CAMK2B: variants seen among roughly 807,000 people sequenced by gnomAD.
CAMK2B encodes the protein calcium/calmodulin dependent protein kinase II beta.
CAMK2B carries 27 observed loss-of-function variants against 93.7 expected under a neutral mutation model. The ratio of observed to expected loss-of-function variants is 0.29; its 90% CI spans 0.21 to 0.40. The LOEUF (loss-of-function observed/expected upper bound fraction) is 0.40, where lower values mean the gene tolerates loss of function less well. Among genes scored for constraint, CAMK2B ranks in the 10% least tolerant of loss-of-function variants. The pLI is 1.00. For missense variants in CAMK2B, 568 were observed against 895.8 expected, an observed-to-expected ratio of 0.63 and a Z score of 4.67; for synonymous variants, 374 against 358.8, an observed-to-expected ratio of 1.04 and a Z score of -0.48.
rs760985438 is a variant in CAMK2B, at chr7:44,243,404, C to T, written c.517+21G>A. On this transcript the variant is annotated intron_variant, in intron 7 of 23. Transcript: ENST00000395749. ...CTGCCCTGCCAACTGCCAGCCAACA[C>T]ACCCTGCCCCTGGCACTCACCAAAC... 1.1e-5 allele frequency: 18 copies of T among 1,613,056 alleles called. No individual in the cohort carries two copies. The East Asian group carries it at 4.0e-4, about 36-fold the overall frequency.
chr7:44,223,490 G>C (rs2096437236), intron 20 of CAMK2B, among the ~76,000 whole-genome samples: 1 of 152,108 alleles, frequency 6.6e-6, no homozygotes, highest in Non-Finnish European at 1.5e-5. Flanking sequence ...CATTCCACCT[G>C]CCCAGCTCTA....
chr7:44,253,200 A>AG (rs199769274), intron 5 of CAMK2B, among the ~76,000 whole-genome samples: 17 of 149,914 alleles, frequency 1.1e-4, no homozygotes, highest in Non-Finnish European at 1.2e-4. Flanking sequence ...TTTTAAAAAG[A>AG]GTTTTTTTTT....
chr7:44,322,749 G>A (rs1349125069), intron 1 of CAMK2B, among the ~76,000 whole-genome samples: 1 of 152,356 alleles, frequency 6.6e-6, no homozygotes, highest in East Asian at 1.9e-4. Flanking sequence ...GAAGATTCGG[G>A]AGCAGAGACA....
chr7:44,240,294 C>T (rs1468447869), intron 12 of CAMK2B, among the ~76,000 whole-genome samples: 1 of 152,224 alleles, frequency 6.6e-6, no homozygotes, highest in Non-Finnish European at 1.5e-5. Context: ...TGGAAGGAGG[C>T]CCCCGAGCCT....
chr7:44,231,643 T>C (rs1334815808), intron 16 of CAMK2B, among the ~76,000 whole-genome samples: 1 of 152,226 alleles, frequency 6.6e-6, no homozygotes, highest in Non-Finnish European at 1.5e-5. Context: ...AACCTTGGCC[T>C]GGCCCCAGGC....
intron 2 of CAMK2B, among the ~76,000 whole-genome samples, chr7:44,279,549 C>A (rs1382143253): frequency 6.6e-6 from 1 of 152,218 alleles, no homozygotes; most frequent in Non-Finnish European, 1.5e-5. Context: ...GGCTGGCTAC[C>A]CCTTCCTCCC....
At chr7:44,278,997 C>T (rs1351308054) in intron 2 of CAMK2B, among the ~76,000 whole-genome samples, 1 of 152,240 alleles carries the variant, frequency 6.6e-6, no homozygotes, top group Non-Finnish European at 1.5e-5. Flanking sequence ...GCACCAAGGG[C>T]AGACAACCCA....
At chr7:44,325,302 G>A (rs1370319246) in intron 1 of CAMK2B, 55 bp downstream of exon 1, 2 of 1,045,590 alleles carry the variant, frequency 1.9e-6, no homozygotes, top group Non-Finnish European at 2.4e-6. Context: ...GAGGGTCCCG[G>A]AGGTCCCGGC....
Position 44,225,689 on chromosome 7 carries a change from C to G in CAMK2B, c.1597+827G>C. 7.9e-7 allele frequency: 1 copy of G among 1,270,052 alleles called. No homozygotes were observed. The highest frequency in any genetic ancestry group is 1.5e-5 in the African/African-American group (1 of 65,586). 78.7% of individuals were successfully genotyped at this position (1,270,052 alleles called of 1,614,324 possible). Reference sequence around the variant, plus strand: ...CCCCACACCCTTCTGCCCTGGCCGCCTGCAGCAGCCCCCAGGCCCAGCCTG... The same window carrying G: ...CCCCACACCCTTCTGCCCTGGCCGCGTGCAGCAGCCCCCAGGCCCAGCCTG... On this transcript the variant is annotated intron_variant, in intron 20 of 23. Coordinates refer to ENST00000395749, the MANE Select transcript of CAMK2B (RefSeq NM_001220.5). This position sits in a 1 kb window ranked among gnomAD's most constrained non-coding sequence, Gnocchi z 5.0.
chr7:44,273,992 G>C (rs1019785521), intron 2 of CAMK2B, among the ~76,000 whole-genome samples: 1 of 152,162 alleles, frequency 6.6e-6, no homozygotes, highest in Non-Finnish European at 1.5e-5. Context: ...ACAGAAGCAA[G>C]TGGCCAGCAG....
chr7:44,275,919 G>T (rs4605950), intron 2 of CAMK2B, among the ~76,000 whole-genome samples: 82,214 of 151,904 alleles, frequency 0.54, 22,357 homozygotes, highest in East Asian at 0.59. Context: ...AGGGGAGGGG[G>T]CGTTTCCCAG....
At chr7:44,252,027 C>T (rs1461956293) in intron 5 of CAMK2B, among the ~76,000 whole-genome samples, 9 of 152,154 alleles carry the variant, frequency 5.9e-5, no homozygotes, top group South Asian at 2.1e-4. Flanking sequence ...CCCCAGGGCC[C>T]GCCACGGGGA....
rs760353023 is a variant in CAMK2B at position 44,220,710 on chromosome 7, C to T, written c.1674G>A (p.Ala558=). The part of the protein sequence containing the change: ...AVNNGDFEAY[A]KICDPGLTSF... ...AGGTCAGCCCTGGGTCACAGATTTT[C>T]CTGGGGGCCAAATCCAAGTGAGGAG... The change falls in exon 22 of 24, where the codon GCG becomes GCA. Residue 558 remains alanine, a splice_region_variant and synonymous_variant. Transcript: ENST00000395749. 1 of 1,609,966 alleles carries T rather than the reference C, an allele frequency of 6.2e-7. No individual in the cohort carries two copies. Among genetic ancestry groups the T allele is most frequent in the Non-Finnish European group, 8.5e-7 (1 of 1,178,182 alleles).
intron 2 of CAMK2B, among the ~76,000 whole-genome samples, chr7:44,281,444 C>T (rs771042096): frequency 1.2e-4 from 18 of 152,168 alleles, no homozygotes; most frequent in Non-Finnish European, 2.1e-4. Flanking sequence ...ATCTGGCCAC[C>T]GCAGATGACC....
intron 5 of CAMK2B, among the ~76,000 whole-genome samples, chr7:44,249,985 TA>T (rs2096765182): frequency 6.6e-6 from 1 of 152,158 alleles, no homozygotes; most frequent in Non-Finnish European, 1.5e-5. Flanking sequence ...ATGGTGTCCT[TA>T]AGGGTATGAC....
chr7:44,220,785 T>A, intron 21 of CAMK2B, 41 bp downstream of exon 21: 1 of 1,554,848 alleles, frequency 6.4e-7, no homozygotes, highest in Non-Finnish European at 8.7e-7. Context: ...GGGTCCCACA[T>A]CCTTGTCCTG....
intron 14 of CAMK2B, 80 bp downstream of exon 14, chr7:44,234,559 A>G: frequency 6.3e-7 from 1 of 1,589,548 alleles, no homozygotes. Flanking sequence ...GGGGGACTCC[A>G]GAGCAGGAGC....
chr7:44,319,428 T>C (rs1438422032), intron 1 of CAMK2B, among the ~76,000 whole-genome samples: 1 of 152,230 alleles, frequency 6.6e-6, no homozygotes, highest in Non-Finnish European at 1.5e-5. Flanking sequence ...TTAGAATTTT[T>C]AAGTAGAAGA....
At chr7:44,314,563 T>A (rs1794387587) in intron 1 of CAMK2B, among the ~76,000 whole-genome samples, 1 of 152,258 alleles carries the variant, frequency 6.6e-6, no homozygotes, top group Non-Finnish European at 1.5e-5. Context: ...TTTCTACTTT[T>A]TGGCTATTAT....
Sources: allele counts gnomAD v4.1 joint callset (sites outside exome capture counted in the v4.1 genomes callset), GRCh38; gene constraint gnomAD v4.1.1; non-coding constraint Gnocchi (gnomAD v3.1); transcripts MANE v1.5; gene names NCBI Gene and HGNC (gene_info 2026-07-23, HGNC 2026-07-21).